Variants in ADAMTS2 observed in about 807,000 individuals in gnomAD.
The protein encoded by ADAMTS2 is A disintegrin and metalloproteinase with thrombospondin motifs 2.
A neutral mutation model predicts 123.0 loss-of-function variants in ADAMTS2; 50 were observed. That is an observed-to-expected ratio of 0.41 (90% CI 0.32 to 0.51). The LOEUF (loss-of-function observed/expected upper bound fraction) is 0.51. ADAMTS2 is among the 20% of genes least tolerant of loss of function. The probability of loss-of-function intolerance (pLI) is 0.35; values close to 1 mark genes in which losing one functional copy is unlikely to be tolerated. For synonymous variants in ADAMTS2, 678 were observed against 695.4 expected (o/e 0.98, Z 0.39); for missense variants, 1,494 against 1,705.2 (o/e 0.88, Z 2.18).
At chr5:179,322,645 T>C (rs1029837595) in intron 2 of ADAMTS2, among the ~76,000 whole-genome samples, 4 of 152,120 alleles carry the variant, frequency 2.6e-5, no homozygotes, top group Non-Finnish European at 5.9e-5. Flanking sequence ...CTCTGTAATA[T>C]AAGAACCAGG....
rs116968701 is a variant in ADAMTS2, at chr5:179,221,239, G to A, written c.689-13524C>T. ...GGAGTGGGCACGGGACCTCTCTTACGCAAATGAGGGAACAAGCCCTGGGCC... is the reference window on the plus strand; with the variant it reads ...GGAGTGGGCACGGGACCTCTCTTACACAAATGAGGGAACAAGCCCTGGGCC... On this transcript the variant is annotated intron_variant, in intron 3 of 21. Transcript: ENST00000251582. Among the ~76,000 whole-genome samples, 478 of 152,242 alleles carry A rather than the reference G, an allele frequency of 3.1e-3. 3 individuals are homozygous for A. Among genetic ancestry groups the A allele is most frequent in the African/African-American group, 7.8e-3 (322 of 41,536 alleles).
chr5:179,203,680 G>A (rs1454352983), intron 4 of ADAMTS2, among the ~76,000 whole-genome samples: 2 of 152,108 alleles, frequency 1.3e-5, no homozygotes, highest in African/African-American at 4.8e-5. Flanking sequence ...AGTACTCTTC[G>A]GGGTGGCTAC....
chr5:179,173,202 A>G (rs1429435955), intron 5 of ADAMTS2, among the ~76,000 whole-genome samples: 1 of 147,440 alleles, frequency 6.8e-6, no homozygotes, highest in Non-Finnish European at 1.5e-5. Flanking sequence ...ACAGAGCTAG[A>G]CCCCATCTCT....
chr5:179,303,093 G>A lies in ADAMTS2; in HGVS notation c.535-30029C>T, dbSNP rs577261151. On this transcript the variant is annotated intron_variant, in intron 2 of 21. Transcript: ENST00000251582. This position sits in a 1 kb window ranked among gnomAD's most constrained non-coding sequence, Gnocchi z 4.7. ...GAGATTGGATTTTCTCCTCTGTGCA[G>A]TGGGCAGCCCCTGGAGGGTGGAAGA... Among the ~76,000 whole-genome samples, 1 of 152,172 alleles carries A rather than the reference G, an allele frequency of 6.6e-6. No homozygotes were observed. Among genetic ancestry groups the A allele is most frequent in the East Asian group, 1.9e-4 (1 of 5,178 alleles).
intron 5 of ADAMTS2, among the ~76,000 whole-genome samples, chr5:179,166,726 G>C (rs1763706461): frequency 6.6e-6 from 1 of 152,212 alleles, no homozygotes; most frequent in African/African-American, 2.4e-5. Context: ...ACCTACTGGG[G>C]ATGTGCCTGT....
intron 12 of ADAMTS2, among the ~76,000 whole-genome samples, chr5:179,136,806 A>G (rs1561773114): frequency 6.6e-6 from 1 of 150,884 alleles, no homozygotes. Flanking sequence ...CTGTCTCTAC[A>G]AAAAATGCAA....
intron 2 of ADAMTS2, among the ~76,000 whole-genome samples, chr5:179,300,193 C>T (rs1256239741): frequency 6.6e-6 from 1 of 151,998 alleles, no homozygotes; most frequent in Non-Finnish European, 1.5e-5. Flanking sequence ...ACCTGACTTC[C>T]ATCTGTAACC....
At chr5:179,143,442 A>AG (rs1763206081) in intron 10 of ADAMTS2, among the ~76,000 whole-genome samples, 1 of 152,112 alleles carries the variant, frequency 6.6e-6, no homozygotes, top group Non-Finnish European at 1.5e-5. Context: ...AAAAAAAAAA[A>AG]AAAAAGAAGA....
chr5:179,199,365 C>T (rs909254863), intron 4 of ADAMTS2, among the ~76,000 whole-genome samples: 4 of 152,098 alleles, frequency 2.6e-5, no homozygotes, highest in African/African-American at 7.2e-5. Flanking sequence ...GTGGCCATCC[C>T]GCCCACGGCT....
intron 3 of ADAMTS2, among the ~76,000 whole-genome samples, chr5:179,265,291 G>A (rs1294558881): frequency 6.6e-6 from 1 of 152,210 alleles, no homozygotes; most frequent in Non-Finnish European, 1.5e-5. Flanking sequence ...TTACCTGGTC[G>A]GCTCCACCCC....
chr5:179,239,565 G>A (rs973769013), intron 3 of ADAMTS2, among the ~76,000 whole-genome samples: 47 of 152,238 alleles, frequency 3.1e-4, no homozygotes, highest in African/African-American at 1.0e-3. Context: ...AGTCAGGAGC[G>A]TGGGCAATAC....
intron 4 of ADAMTS2, among the ~76,000 whole-genome samples, chr5:179,205,609 T>C (rs975120698): frequency 2.0e-5 from 3 of 152,212 alleles, no homozygotes; most frequent in African/African-American, 7.2e-5. Flanking sequence ...AGAACTCATA[T>C]TGTGAAGGCA....
At chr5:179,261,189 A>G (rs1470809178) in intron 3 of ADAMTS2, among the ~76,000 whole-genome samples, 1 of 152,234 alleles carries the variant, frequency 6.6e-6, no homozygotes, top group Non-Finnish European at 1.5e-5. Context: ...GGAGATAAAC[A>G]GGCAAAGGAC....
chr5:179,261,226 T>C (rs897245365), intron 3 of ADAMTS2, among the ~76,000 whole-genome samples: 1 of 152,166 alleles, frequency 6.6e-6, no homozygotes, highest in African/African-American at 2.4e-5. Flanking sequence ...TGCAGAGTAA[T>C]CAAACCCAGG....
chr5:179,127,893 G>A, intron 17 of ADAMTS2, 66 bp downstream of exon 17: 1 of 1,604,826 alleles, frequency 6.2e-7, no homozygotes, highest in Non-Finnish European at 8.5e-7. Flanking sequence ...CCACCCCAGG[G>A]ATGCTCCCTA....
intron 10 of ADAMTS2, among the ~76,000 whole-genome samples, chr5:179,147,309 G>A (rs541012187): frequency 1.2e-4 from 19 of 152,202 alleles, no homozygotes; most frequent in African/African-American, 4.3e-4. Context: ...GGCTGGTCTC[G>A]AACTCCTGAT....
intron 4 of ADAMTS2, among the ~76,000 whole-genome samples, chr5:179,196,705 C>G (rs1764440823): frequency 6.6e-6 from 1 of 152,208 alleles, no homozygotes; most frequent in African/African-American, 2.4e-5. Flanking sequence ...GGGGCCATCA[C>G]AGCTCAAGGC....
intron 3 of ADAMTS2, among the ~76,000 whole-genome samples, chr5:179,238,630 C>T (rs1765590547): frequency 6.6e-6 from 1 of 152,078 alleles, no homozygotes; most frequent in African/African-American, 2.4e-5. Context: ...GGAAGGAGGA[C>T]CCCATGTGGG....
In ADAMTS2 at chr5:179,335,645, ACAGATGTAAAT is replaced by A. The variant is rs1330952875; in HGVS notation, c.534+8111_534+8121del. ...TGGTGTACTATAACCCATAAAATAG[ACAGATGTAAAT>A]ACATACCAATATGCTCACAGCTCTC... is the stretch of plus-strand genomic sequence containing the variant. On this transcript the variant is annotated intron_variant, in intron 2 of 21. Coordinates refer to ENST00000251582, the MANE Select transcript of ADAMTS2 (RefSeq NM_014244.5). Among the ~76,000 whole-genome samples, 3 of 152,348 alleles carry A rather than the reference ACAGATGTAAAT, an allele frequency of 2.0e-5. No homozygotes were observed. In the East Asian group the frequency reaches 5.8e-4, roughly 29 times the overall value.
Sources: allele counts gnomAD v4.1 joint callset (sites outside exome capture counted in the v4.1 genomes callset), GRCh38; gene constraint gnomAD v4.1.1; non-coding constraint Gnocchi (gnomAD v3.1); transcripts MANE v1.5; gene names NCBI Gene and HGNC (gene_info 2026-07-23, HGNC 2026-07-21).